SH3KBP1: variants seen among roughly 807,000 people sequenced by gnomAD.
SH3KBP1 encodes SH3 domain-containing kinase-binding protein 1.
SH3KBP1 carries 8 observed loss-of-function variants against 50.1 expected under a neutral mutation model. The observed-to-expected ratio is 0.16, with a 90% CI of 0.09 to 0.29. SH3KBP1 has a LOEUF of 0.29. Ranked by LOEUF, SH3KBP1 falls within the 10% of genes least tolerant of loss-of-function variation. The pLI is 1.00. For synonymous variants in SH3KBP1, 227 were observed against 218.6 expected, an observed-to-expected ratio of 1.04 and a Z score of -0.34; for missense variants, 377 against 535.2, an observed-to-expected ratio of 0.70 and a Z score of 2.92.
chrX:19,616,128 A>AT (rs1312341566), intron 8 of SH3KBP1, among the ~76,000 whole-genome samples: 1 of 110,724 alleles, frequency 9.0e-6, no homozygotes, highest in Non-Finnish European at 1.9e-5. Context: ...TGCATGGCTA[A>AT]TTTTTTAATT....
chrX:19,709,271 C>CT (rs2063723512), intron 3 of SH3KBP1, among the ~76,000 whole-genome samples: 1 of 111,833 alleles, frequency 8.9e-6, no homozygotes, highest in Admixed American at 9.5e-5. Context: ...AGAGTAAGCC[C>CT]TACAGAGGGC....
At chrX:19,860,740 A>G (rs963004998) in intron 1 of SH3KBP1, among the ~76,000 whole-genome samples, 3 of 112,062 alleles carry the variant, frequency 2.7e-5, no homozygotes, top group Non-Finnish European at 5.6e-5. Flanking sequence ...AGACTGGGGA[A>G]CTGTTACAGA....
At chrX:19,723,883 G>A (rs1436603693) in intron 3 of SH3KBP1, among the ~76,000 whole-genome samples, 2 of 110,889 alleles carry the variant, frequency 1.8e-5, no homozygotes, top group Admixed American at 9.6e-5. Flanking sequence ...TGGTGGGGTG[G>A]GGAATAAGCA....
At chrX:19,776,624 T>C (rs1406530935) in intron 2 of SH3KBP1, among the ~76,000 whole-genome samples, 1 of 100,896 alleles carries the variant, frequency 9.9e-6, no homozygotes, top group East Asian at 3.2e-4. Flanking sequence ...CATAACTCAT[T>C]GTAATCTCAA....
intron 12 of SH3KBP1, among the ~76,000 whole-genome samples, chrX:19,576,786 G>A (rs187949600): frequency 1.1e-4 from 12 of 111,914 alleles, no homozygotes; most frequent in African/African-American, 2.6e-4. Context: ...AGCCCCTTGA[G>A]TGAAGGGCTC....
chrX:19,833,860 T>C (rs1175462066), intron 2 of SH3KBP1, among the ~76,000 whole-genome samples: 7 of 111,880 alleles, frequency 6.3e-5, no homozygotes, highest in African/African-American at 9.8e-5. Context: ...GATGCTCCTT[T>C]CCTAAAACTG....
intron 2 of SH3KBP1, chrX:19,799,789 A>G (rs1283701792): frequency 1.7e-6 from 2 of 1,161,532 alleles, no homozygotes; most frequent in East Asian, 6.2e-5. Context: ...ACTTGGCAGC[A>G]AAATTATTCT....
intron 6 of SH3KBP1, among the ~76,000 whole-genome samples, chrX:19,671,401 C>A (rs867923659): frequency 9.0e-6 from 1 of 110,626 alleles, no homozygotes; most frequent in African/African-American, 3.3e-5. Context: ...CACACATACA[C>A]ACACACACAC....
chrX:19,776,489 A>T (rs2065976975), intron 2 of SH3KBP1, among the ~76,000 whole-genome samples: 2 of 101,722 alleles, frequency 2.0e-5, no homozygotes, highest in African/African-American at 7.3e-5. Context: ...AAATAAAAGA[A>T]TTTTTTTTAA....
rs746600363 is a variant in SH3KBP1, at chrX:19,608,013, C to T, written c.930G>A (p.Glu310=). ...GGAACACGCCTCGTCTGCCGTTCAG[C>T]TCTCCTTCCCACCAGCCTACGTCGA... ...DCIDVGWWEG[E]LNGRRGVFPD... is the part of the protein sequence containing the mutation. The change falls in exon 9 of 18, where the codon GAG becomes GAA. Residue 310 remains glutamate (E), a synonymous_variant. Transcript: ENST00000397821. The T allele has an allele frequency of 3.3e-6, 4 of 1,211,370 alleles. No individual in the cohort carries two copies. Among genetic ancestry groups the T allele is most frequent in the East Asian group, 5.9e-5 (2 of 33,820 alleles).
intron 1 of SH3KBP1, among the ~76,000 whole-genome samples, chrX:19,874,056 A>G (rs1164723141): frequency 2.3e-5 from 2 of 85,382 alleles, no homozygotes; most frequent in Admixed American, 1.2e-4. Context: ...CTCAAAAAAA[A>G]AAAAAAAAAA....
intron 12 of SH3KBP1, among the ~76,000 whole-genome samples, chrX:19,572,278 TTATA>T (rs1205975340): frequency 3.7e-5 from 4 of 106,832 alleles, no homozygotes; most frequent in African/African-American, 6.7e-5. Context: ...AGAGTATATG[TTATA>T]TATAGTCATA....
At chrX:19,655,237 CTCAT>C (rs370633523) in intron 6 of SH3KBP1, among the ~76,000 whole-genome samples, 4,661 of 111,630 alleles carry the variant, frequency 0.042, 217 homozygotes, top group African/African-American at 0.13. Context: ...TCATTCATTC[CTCAT>C]TCATTCATTC....
At position 19,701,787 on chromosome X, in the gene SH3KBP1, T is replaced by A. The variant is rs1476169003; in HGVS notation, c.390+5094A>T. 4.4e-5 allele frequency among the ~76,000 whole-genome samples: 5 copies of A among 112,506 alleles called. No individual in the cohort carries two copies. The Admixed American group carries it at 4.7e-4, about 11-fold the overall frequency. ...AGCATGTTTCAAGGGACAGGTTCTG[T>A]TCAATCAATCCCCAAATCTCAATAA... On this transcript the variant is annotated intron_variant, in intron 4 of 17. Coordinates refer to ENST00000397821, the MANE Select transcript of SH3KBP1 (RefSeq NM_031892.3).
chrX:19,563,316 A>C (rs902084785), intron 13 of SH3KBP1, among the ~76,000 whole-genome samples: 2 of 112,278 alleles, frequency 1.8e-5, no homozygotes, highest in Admixed American at 9.4e-5. Context: ...TTTCGAAATG[A>C]GTGCTGGTTG....
chrX:19,864,028 C>A (rs970245331), intron 1 of SH3KBP1, among the ~76,000 whole-genome samples: 1 of 111,011 alleles, frequency 9.0e-6, no homozygotes, highest in African/African-American at 3.3e-5. Context: ...TACCAGTCAT[C>A]CTAACTCCCT....
At chrX:19,821,591 T>C (rs1363573307) in intron 2 of SH3KBP1, among the ~76,000 whole-genome samples, 3 of 110,979 alleles carry the variant, frequency 2.7e-5, no homozygotes, top group Non-Finnish European at 5.7e-5. Flanking sequence ...TGCAGTGGCA[T>C]GATCTCGGAT....
At chrX:19,829,414 T>C (rs1242328835) in intron 2 of SH3KBP1, among the ~76,000 whole-genome samples, 7 of 109,923 alleles carry the variant, frequency 6.4e-5, no homozygotes, top group Non-Finnish European at 1.1e-4. Flanking sequence ...TGGAACTGTC[T>C]GTTCTTTTTT....
intron 2 of SH3KBP1, among the ~76,000 whole-genome samples, chrX:19,768,714 C>G (rs2065692467): frequency 9.2e-6 from 1 of 108,719 alleles, no homozygotes; most frequent in South Asian, 4.0e-4. Flanking sequence ...GATTAAAATT[C>G]AGTCAAAATT....
Sources: gnomAD v4.1 joint callset for allele counts (sites outside exome capture counted in the v4.1 genomes callset) on GRCh38, gnomAD v4.1.1 for gene constraint, MANE v1.5 for transcripts, NCBI Gene and HGNC (gene_info 2026-07-23, HGNC 2026-07-21) for gene names.